The following SLC39A9 variants were observed in gnomAD, a reference collection of about 807,000 sequenced individuals.
The protein encoded by SLC39A9 is solute carrier family 39 member 9.
A neutral mutation model predicts 28.4 loss-of-function variants in SLC39A9; 14 were observed. The observed-to-expected ratio is 0.49, with a 90% CI of 0.33 to 0.77. The LOEUF (loss-of-function observed/expected upper bound fraction) is 0.77, where lower values mean the gene tolerates loss of function less well. Ranked by LOEUF, SLC39A9 falls within the 30% of genes least tolerant of loss-of-function variation. The pLI, the probability that SLC39A9 is intolerant of heterozygous loss-of-function variation, is 0.02. For missense variants in SLC39A9, 283 were observed against 381.1 expected (o/e 0.74, Z 2.14); for synonymous variants, 119 against 149.6 (o/e 0.80, Z 1.49).
chr14:69,423,746 A>G (rs1884024495), intron 1 of SLC39A9, among the ~76,000 whole-genome samples: 1 of 152,060 alleles, frequency 6.6e-6, no homozygotes. Context: ...GAAAATACAA[A>G]AATTAGCCAG....
At chr14:69,455,031 T>G (rs959174549) in intron 5 of SLC39A9, 134 bp downstream of exon 5, 6 of 657,976 alleles carry the variant, frequency 9.1e-6, no homozygotes, top group African/African-American at 3.6e-5. Context: ...GAAAATTGAA[T>G]AAATCTGTTC....
chr14:69,460,667 A>C lies in SLC39A9; in HGVS notation c.*2074A>C, dbSNP rs1167638032. On this transcript the variant is annotated 3_prime_UTR_variant, in exon 7 of 7. Transcript: ENST00000336643. ...TGCCATCATGCTTAAAAGTTTGGCT[A>C]GTATATCTTGCTGGATGGAGCCTTG... 59 of 985,312 alleles carry C rather than the reference A, an allele frequency of 6.0e-5. No homozygotes were observed. The highest frequency in any genetic ancestry group is 7.0e-5 in the Non-Finnish European group (58 of 829,952). 61.0% of individuals were successfully genotyped at this position (985,312 alleles called of 1,614,324 possible). A position where few individuals can be genotyped will look rare whatever the true frequency, so the allele number is the denominator to read the frequency against.
chr14:69,403,668 T>A (rs1882758301), intron 1 of SLC39A9, among the ~76,000 whole-genome samples: 1 of 152,226 alleles, frequency 6.6e-6, no homozygotes, highest in Non-Finnish European at 1.5e-5. Flanking sequence ...CTCTAAAAAT[T>A]TCTGAAGGCT....
At chr14:69,436,954 G>A (rs557656755) in intron 2 of SLC39A9, among the ~76,000 whole-genome samples, 113 of 152,198 alleles carry the variant, frequency 7.4e-4, no homozygotes, top group African/African-American at 2.5e-3. Context: ...TGCTAGCTCC[G>A]CCTCCCGGGT....
At chr14:69,445,458 A>G (rs1038156445) in intron 3 of SLC39A9, among the ~76,000 whole-genome samples, 2 of 152,250 alleles carry the variant, frequency 1.3e-5, no homozygotes, top group African/African-American at 4.8e-5. Flanking sequence ...GTAAAAATAC[A>G]GTATTAATAC....
At chr14:69,442,506 G>A (rs1594939863) in intron 3 of SLC39A9, among the ~76,000 whole-genome samples, 1 of 152,334 alleles carries the variant, frequency 6.6e-6, no homozygotes, top group African/African-American at 2.4e-5. Context: ...TTGGTTGAGA[G>A]TCTAGGGCAG....
intron 1 of SLC39A9, among the ~76,000 whole-genome samples, chr14:69,401,305 G>A (rs1351615901): frequency 6.6e-6 from 1 of 152,170 alleles, no homozygotes; most frequent in South Asian, 2.1e-4. Context: ...CTTGAAGCCT[G>A]TTTCACTTAT....
intron 6 of SLC39A9, 135 bp downstream of exon 6, chr14:69,456,001 G>T: frequency 9.8e-7 from 1 of 1,017,918 alleles, no homozygotes; most frequent in Non-Finnish European, 1.4e-6. Flanking sequence ...ACTATACAGG[G>T]TAAATATCTT....
chr14:69,442,278 C>T lies in SLC39A9; in HGVS notation c.403+12C>T, dbSNP rs771778983. The T allele has an allele frequency of 5.0e-6, 8 of 1,613,050 alleles. No homozygotes were observed. In the Admixed American group the frequency reaches 1.0e-4, roughly 20 times the overall value. ...GCATTCTACTGACGGTGAGTGGCTC[C>T]AAGGCTTTCTGGGCAGTGCAATACA... is the stretch of plus-strand genomic sequence containing the variant. On this transcript the variant is annotated intron_variant, in intron 3 of 6. Coordinates refer to ENST00000336643, the MANE Select transcript of SLC39A9 (RefSeq NM_018375.5).
At chr14:69,424,381 A>G (rs1042109149) in intron 2 of SLC39A9, among the ~76,000 whole-genome samples, 179 bp downstream of exon 2, 15 of 152,064 alleles carry the variant, frequency 9.9e-5, no homozygotes, top group Non-Finnish European at 1.9e-4. Context: ...CAGTTTGTCA[A>G]CTGAATGTCC....
chr14:69,448,164 G>C (rs1320179286), intron 3 of SLC39A9, among the ~76,000 whole-genome samples: 1 of 134,156 alleles, frequency 7.5e-6, no homozygotes, highest in African/African-American at 2.8e-5. Flanking sequence ...GCAGTGAGCC[G>C]AGGTCACGCC....
In SLC39A9 at chr14:69,423,726, C is replaced by T. The variant is rs544705279; in HGVS notation, c.97-368C>T. The stretch of plus-strand genomic sequence containing the variant: ...CAGCCTGGGCAACATGGTGAAACCC[C>T]GTCTCTACTGAAAATACAAAAATTA... On this transcript the variant is annotated intron_variant, in intron 1 of 6. Coordinates refer to ENST00000336643, the MANE Select transcript of SLC39A9 (RefSeq NM_018375.5). 2.0e-3 allele frequency among the ~76,000 whole-genome samples: 308 copies of T among 152,056 alleles called. 1 individual carries two copies. The highest frequency in any genetic ancestry group is 7.1e-3 in the African/African-American group (295 of 41,466).
intron 2 of SLC39A9, among the ~76,000 whole-genome samples, chr14:69,430,343 A>G (rs1884424784): frequency 1.3e-5 from 2 of 152,170 alleles, no homozygotes; most frequent in African/African-American, 4.8e-5. Context: ...ATTTAATCCT[A>G]TGATCTATTT....
At chr14:69,436,901 A>G (rs1378469252) in intron 2 of SLC39A9, among the ~76,000 whole-genome samples, 1 of 152,216 alleles carries the variant, frequency 6.6e-6, no homozygotes, top group Non-Finnish European at 1.5e-5. Context: ...GCAGAACAGC[A>G]TAACCAGGTT....
At chr14:69,455,931 T>G in intron 6 of SLC39A9, 65 bp downstream of exon 6, 1 of 1,557,298 alleles carries the variant, frequency 6.4e-7, no homozygotes, top group Non-Finnish European at 8.7e-7. Context: ...TTATGATCTC[T>G]TAGATTGAAT....
At chr14:69,446,232 C>G (rs1885293368) in intron 3 of SLC39A9, among the ~76,000 whole-genome samples, 1 of 151,264 alleles carries the variant, frequency 6.6e-6, no homozygotes, top group African/African-American at 2.4e-5. Context: ...AAGTATTGGA[C>G]TCGGGATTTC....
intron 1 of SLC39A9, among the ~76,000 whole-genome samples, chr14:69,405,629 A>G (rs1296546212): frequency 6.6e-6 from 1 of 152,186 alleles, no homozygotes; most frequent in African/African-American, 2.4e-5. Context: ...TTGCAATCTC[A>G]GTAAATTTAT....
chr14:69,433,405 A>G (rs1169305095), intron 2 of SLC39A9, among the ~76,000 whole-genome samples: 3 of 152,168 alleles, frequency 2.0e-5, no homozygotes, highest in East Asian at 3.8e-4. Context: ...TTTCCTTTCT[A>G]ACAACATCTA....
intron 3 of SLC39A9, among the ~76,000 whole-genome samples, chr14:69,446,138 G>T (rs1461252813): frequency 3.9e-5 from 6 of 151,970 alleles, no homozygotes; most frequent in Non-Finnish European, 4.4e-5. Flanking sequence ...GTGGAGTCAG[G>T]GTTCTAAGTG....
Sources: gnomAD v4.1 joint callset for allele counts (sites outside exome capture counted in the v4.1 genomes callset) on GRCh38, gnomAD v4.1.1 for gene constraint, MANE v1.5 for transcripts, NCBI Gene and HGNC (gene_info 2026-07-23, HGNC 2026-07-21) for gene names.